The following HCN1 variants were observed in gnomAD, a reference collection of about 807,000 sequenced individuals.
HCN1 encodes hyperpolarization activated cyclic nucleotide gated potassium channel 1, also known as potassium/sodium hyperpolarization-activated cyclic nucleotide-gated channel 1.
A neutral mutation model predicts 78.9 loss-of-function variants in HCN1; 13 were observed. The ratio of observed to expected loss-of-function variants is 0.16; its 90% CI spans 0.11 to 0.26. The LOEUF (loss-of-function observed/expected upper bound fraction) is 0.26, where lower values mean the gene tolerates loss of function less well. HCN1 is among the 10% of genes least tolerant of loss of function. The probability of loss-of-function intolerance (pLI) is 1.00; values close to 1 mark genes in which losing one functional copy is unlikely to be tolerated. For missense variants in HCN1, 810 were observed against 1,154.3 expected, an observed-to-expected ratio of 0.70 and a Z score of 4.32; for synonymous variants, 552 against 455.5, an observed-to-expected ratio of 1.21 and a Z score of -2.70.
At chr5:45,444,240 T>A (rs1740739475) in intron 3 of HCN1, among the ~76,000 whole-genome samples, 2 of 152,176 alleles carry the variant, frequency 1.3e-5, no homozygotes, top group South Asian at 4.1e-4. Flanking sequence ...CAAAGTTAAT[T>A]ACTAATCTGT....
chr5:45,694,478 A>G (rs1739968352), intron 1 of HCN1, among the ~76,000 whole-genome samples: 1 of 152,198 alleles, frequency 6.6e-6, no homozygotes, highest in Admixed American at 6.5e-5. Context: ...GCTCCCGTTA[A>G]GGCATGTAGT....
chr5:45,542,429 T>G (rs1743123070), intron 2 of HCN1, among the ~76,000 whole-genome samples: 1 of 152,132 alleles, frequency 6.6e-6, no homozygotes, highest in Admixed American at 6.6e-5. Context: ...TGGTGCATAT[T>G]TTTTCTTCTT....
intron 2 of HCN1, among the ~76,000 whole-genome samples, chr5:45,583,029 G>T (rs1309172293): frequency 1.3e-5 from 2 of 151,706 alleles, no homozygotes; most frequent in African/African-American, 4.8e-5. Flanking sequence ...TCAGGATGAT[G>T]TTGGCCTCAT....
intron 1 of HCN1, among the ~76,000 whole-genome samples, chr5:45,682,374 T>C (rs929251345): frequency 1.3e-5 from 2 of 150,966 alleles, no homozygotes; most frequent in African/African-American, 2.4e-5. Flanking sequence ...ATTTATTTAA[T>C]TGTAATGGCT....
At chr5:45,390,102 C>T (rs991407608) in intron 4 of HCN1, among the ~76,000 whole-genome samples, 5 of 152,188 alleles carry the variant, frequency 3.3e-5, no homozygotes, top group Non-Finnish European at 5.9e-5. Flanking sequence ...CAGAAATTCT[C>T]TCAGAATTTG....
chr5:45,613,923 C>A (rs973550358), intron 2 of HCN1, among the ~76,000 whole-genome samples: 9 of 152,054 alleles, frequency 5.9e-5, no homozygotes, highest in East Asian at 1.9e-4. Context: ...GTCTTATGAG[C>A]ACTCCAAATT....
intron 2 of HCN1, among the ~76,000 whole-genome samples, chr5:45,484,324 A>G (rs778831683): frequency 2.6e-5 from 4 of 152,098 alleles, no homozygotes; most frequent in Non-Finnish European, 4.4e-5. Flanking sequence ...AGTCCCAGCT[A>G]CTTGGAGGCT....
At chr5:45,396,148 A>G (rs1274890250) in intron 4 of HCN1, among the ~76,000 whole-genome samples, 1 of 152,152 alleles carries the variant, frequency 6.6e-6, no homozygotes, top group Non-Finnish European at 1.5e-5. Context: ...TTTCTAACAC[A>G]TACGAGAGAA....
intron 2 of HCN1, among the ~76,000 whole-genome samples, chr5:45,545,866 CTGT>C (rs1743212919): frequency 6.6e-6 from 1 of 152,020 alleles, no homozygotes; most frequent in African/African-American, 2.4e-5. Context: ...GGACTTCCTA[CTGT>C]AATATAGACC....
At chr5:45,638,383 A>C (rs1023091755) in intron 2 of HCN1, among the ~76,000 whole-genome samples, 1 of 152,168 alleles carries the variant, frequency 6.6e-6, no homozygotes, top group African/African-American at 2.4e-5. Flanking sequence ...ACAGATTGGG[A>C]CAAGGATTGG....
intron 4 of HCN1, among the ~76,000 whole-genome samples, chr5:45,364,992 T>C (rs1464218420): frequency 1.3e-5 from 2 of 152,052 alleles, no homozygotes; most frequent in African/African-American, 4.8e-5. Flanking sequence ...AAATTACCTG[T>C]GTTCTTTGCA....
At position 45,255,247 on chromosome 5, in the gene HCN1, T is replaced by C. The variant is rs1744584189; in HGVS notation, c.*6674A>G. 6.6e-6 allele frequency: 1 copy of C among 152,216 alleles called. No individual in the cohort carries two copies. The highest frequency in any genetic ancestry group is 2.1e-4 in the South Asian group (1 of 4,832). The allele number at this position is 152,216 out of a possible 1,614,324, so 9.4% of individuals were successfully genotyped here. A position where few individuals can be genotyped will look rare whatever the true frequency, so the allele number is the denominator to read the frequency against. On this transcript the variant is annotated 3_prime_UTR_variant, in exon 8 of 8. Transcript: ENST00000303230. ...GTGGTTTGTCGTTGCTTGTGTTTAT[T>C]TAATGTTCTCTCGCTTTCCTTGTCT...
intron 3 of HCN1, among the ~76,000 whole-genome samples, chr5:45,428,275 T>A (rs978611703): frequency 6.6e-6 from 1 of 152,086 alleles, no homozygotes; most frequent in Non-Finnish European, 1.5e-5. Flanking sequence ...TTTTTAGAGA[T>A]GATTTTGGTC....
chr5:45,507,327 TAC>T (rs1742327631), intron 2 of HCN1, among the ~76,000 whole-genome samples: 1 of 152,170 alleles, frequency 6.6e-6, no homozygotes, highest in Non-Finnish European at 1.5e-5. Flanking sequence ...ATCACTGCTA[TAC>T]ACAGTTTCCA....
chr5:45,522,817 A>T (rs2111783067), intron 2 of HCN1, among the ~76,000 whole-genome samples: 1 of 151,886 alleles, frequency 6.6e-6, no homozygotes, highest in Middle Eastern at 3.4e-3. Flanking sequence ...TTATTTACAT[A>T]TTGTCCAAGT....
At chr5:45,522,644 T>C (rs1399801849) in intron 2 of HCN1, among the ~76,000 whole-genome samples, 1 of 150,980 alleles carries the variant, frequency 6.6e-6, no homozygotes, top group African/African-American at 2.4e-5. Context: ...ATCTGAAAAA[T>C]AGCTTTTATT....
At chr5:45,414,860 A>G (rs1383285528) in intron 3 of HCN1, among the ~76,000 whole-genome samples, 1 of 151,980 alleles carries the variant, frequency 6.6e-6, no homozygotes, top group African/African-American at 2.4e-5. Context: ...CTATTATTAT[A>G]TATTTGCCAT....
In HCN1 at chr5:45,520,442, G is replaced by C. The variant is rs138368222; in HGVS notation, c.850-58435C>G. Among the ~76,000 whole-genome samples, 764 of 152,064 alleles carry C rather than the reference G, an allele frequency of 5.0e-3. 3 individuals are homozygous for C. The highest frequency in any genetic ancestry group is 8.2e-3 in the Non-Finnish European group (555 of 67,944). ...TTATGGACACTGATTTATGCAACTT[G>C]TCTTATTTAGCCTTCCCATTGTCTG... On this transcript the variant is annotated intron_variant, in intron 2 of 7. Coordinates refer to ENST00000303230, the MANE Select transcript of HCN1 (RefSeq NM_021072.4).
intron 2 of HCN1, among the ~76,000 whole-genome samples, chr5:45,495,537 C>T (rs1464538137): frequency 1.3e-5 from 2 of 152,084 alleles, no homozygotes; most frequent in African/African-American, 2.4e-5. Flanking sequence ...ACAATCACGT[C>T]GTCTGCAAAG....
Sources: gnomAD v4.1 joint callset for allele counts (sites outside exome capture counted in the v4.1 genomes callset) on GRCh38, gnomAD v4.1.1 for gene constraint, MANE v1.5 for transcripts, NCBI Gene and HGNC (gene_info 2026-07-23, HGNC 2026-07-21) for gene names.